The following PCLAF variants were observed in gnomAD, a reference collection of about 807,000 sequenced individuals.
PCLAF encodes the protein PCNA clamp associated factor, also known as PCNA-associated factor.
In PCLAF, 12 loss-of-function variants were observed where a neutral mutation model predicts 15.1. The ratio of observed to expected loss-of-function variants is 0.79; its 90% CI spans 0.51 to 1.29. PCLAF has a LOEUF of 1.29. Ranked by LOEUF, PCLAF falls within the 50% of genes most tolerant of loss-of-function variation. The pLI is 0.00. For missense variants in PCLAF, 116 were observed against 130.9 expected (o/e 0.89, Z 0.56); for synonymous variants, 33 against 47.1 (o/e 0.70, Z 1.22).
rs554713208 is a variant in PCLAF at position 64,371,882 on chromosome 15, C to T, written c.290+4861G>A. Among the ~76,000 whole-genome samples the T allele has an allele frequency of 2.0e-5, 3 of 151,926 alleles. No individual in the cohort carries two copies. The South Asian group carries it at 6.2e-4, about 32-fold the overall frequency. ...AAAGTGCTGGGATTACAGGCATTAGCCACCGCACCTGGCCCAGATCAACTT... is the reference window on the plus strand; with the variant it reads ...AAAGTGCTGGGATTACAGGCATTAGTCACCGCACCTGGCCCAGATCAACTT... On this transcript the variant is annotated intron_variant, in intron 3 of 3. Transcript: ENST00000300035.
chr15:64,373,450 G>T, intron 3 of PCLAF: 1 of 481,690 alleles, frequency 2.1e-6, no homozygotes, highest in Non-Finnish European at 3.3e-6. Context: ...TTTGGATTCG[G>T]TTTTAGTGTA....
intron 3 of PCLAF, among the ~76,000 whole-genome samples, chr15:64,371,926 C>T (rs1899333405): frequency 5.8e-5 from 1 of 17,384 alleles, no homozygotes; most frequent in African/African-American, 1.2e-4. Flanking sequence ...CCACCTCCTG[C>T]ACAAAAAATG....
At chr15:64,382,544 T>C (rs1378597506), upstream of PCLAF, 1 of 153,256 alleles carries the variant, frequency 6.5e-6, no homozygotes, top group Non-Finnish European at 1.5e-5. Context: ...CTGCCAAATG[T>C]GGTAAGACCA....
chr15:64,368,159 T>G (rs1899124944), intron 3 of PCLAF, among the ~76,000 whole-genome samples: 1 of 151,824 alleles, frequency 6.6e-6, no homozygotes, highest in East Asian at 1.9e-4. Context: ...CTAGCCAACA[T>G]AATGAAACCC....
rs764067006 is a variant in PCLAF at position 64,381,058 on chromosome 15, AG to A, written c.47-21del. On this transcript the variant is annotated intron_variant, in intron 1 of 3. Transcript: ENST00000300035. ...CCACCACTGTGAAGAGAGGCAAAAAAGGGTGTTCAGAAGGGGCAGGAGGGTT... is the reference window on the plus strand; with the variant it reads ...CCACCACTGTGAAGAGAGGCAAAAAAGGTGTTCAGAAGGGGCAGGAGGGTT... The A allele has an allele frequency of 6.2e-7, 1 of 1,613,070 alleles. No individual in the cohort carries two copies. Among genetic ancestry groups the A allele is most frequent in the South Asian group, 1.1e-5 (1 of 91,052 alleles).
At chr15:64,377,537 A>ATATATT in intron 2 of PCLAF, among the ~76,000 whole-genome samples, 2 of 97,258 alleles carry the variant, frequency 2.1e-5, no homozygotes, top group Non-Finnish European at 4.0e-5. Context: ...ATATATATAT[A>ATATATT]TTCTTGTATG....
rs1898966753 is a variant in PCLAF at position 64,364,840 on chromosome 15, C to G, written c.*1190G>C. 1 of 151,528 alleles carries G rather than the reference C, an allele frequency of 6.6e-6. No individual in the cohort carries two copies. The highest frequency in any genetic ancestry group is 1.5e-5 in the Non-Finnish European group (1 of 67,992). 9.4% of individuals were successfully genotyped at this position (151,528 alleles called of 1,614,324 possible). On this transcript the variant is annotated 3_prime_UTR_variant, in exon 4 of 4. Coordinates refer to ENST00000300035, the MANE Select transcript of PCLAF (RefSeq NM_014736.6). ...TAGCTGGGATTACAGGCATGTGCCA[C>G]CATGCCTGGCTCATTTTTTCATTTT... is the stretch of plus-strand genomic sequence containing the variant.
chr15:64,383,126 TA>T (rs1288647106), upstream of PCLAF: 3 of 152,680 alleles, frequency 2.0e-5, no homozygotes, highest in Non-Finnish European at 4.4e-5. Flanking sequence ...AACTTAGAAT[TA>T]GGCTACTCAG....
upstream of PCLAF, among the ~76,000 whole-genome samples, chr15:64,383,223 T>G (rs56239505): frequency 0.048 from 7,328 of 152,120 alleles, 233 homozygotes; most frequent in South Asian, 0.086. Flanking sequence ...TAATAGAAAA[T>G]GTATTGGCAA....
At chr15:64,376,944 T>C (rs567574073) in intron 2 of PCLAF, 39 bp from the exon 3 acceptor site, 2 of 1,526,048 alleles carry the variant, frequency 1.3e-6, no homozygotes, top group South Asian at 1.2e-5. Context: ...TAAGTGCTAA[T>C]AATACAATCT....
At chr15:64,383,460 G>A (rs759641661), upstream of PCLAF, among the ~76,000 whole-genome samples, 2 of 151,042 alleles carry the variant, frequency 1.3e-5, no homozygotes, top group African/African-American at 2.4e-5. Context: ...TCCGCCTCCC[G>A]GGTTCAAGCA....
chr15:64,381,445 C>T, upstream of PCLAF: 2 of 1,607,734 alleles, frequency 1.2e-6, no homozygotes, highest in Non-Finnish European at 1.7e-6. Flanking sequence ...GACAAGGACC[C>T]GAAAACTATC....
intron 3 of PCLAF, among the ~76,000 whole-genome samples, chr15:64,371,434 AT>A (rs1167146001): frequency 6.6e-6 from 1 of 150,616 alleles, no homozygotes; most frequent in Non-Finnish European, 1.5e-5. Flanking sequence ...CCCAGTTAAT[AT>A]TTGTATTTTT....
rs931673531 is a variant in PCLAF, at chr15:64,369,951, C to T, written c.291-3876G>A. 2.8e-4 allele frequency among the ~76,000 whole-genome samples: 42 copies of T among 152,218 alleles called. 1 individual carries two copies. The highest frequency in any genetic ancestry group is 1.0e-3 in the African/African-American group (42 of 41,546). On this transcript the variant is annotated intron_variant, in intron 3 of 3. Transcript: ENST00000300035. ...CAAGATCTGTTGGATCTGCTTGTTC[C>T]CATGCAGGTTTCTAAAGATGGCAAA...
intron 3 of PCLAF, among the ~76,000 whole-genome samples, chr15:64,374,845 TCA>T (rs1899536952): frequency 4.0e-5 from 2 of 49,510 alleles, no homozygotes; most frequent in South Asian, 9.6e-4. Flanking sequence ...GACCCCCATA[TCA>T]AAAAAAAAAA....
At chr15:64,382,643 C>T (rs944263989), upstream of PCLAF, 1 of 155,666 alleles carries the variant, frequency 6.4e-6, no homozygotes, top group African/African-American at 2.4e-5. Flanking sequence ...ACTCACAACA[C>T]CCCTGGGGAG....
chr15:64,370,244 T>A (rs75171332), intron 3 of PCLAF, among the ~76,000 whole-genome samples: 3 of 139,204 alleles, frequency 2.2e-5, no homozygotes, highest in South Asian at 2.3e-4. Context: ...GCCCACCTAA[T>A]TTTTTTTTTT....
At chr15:64,377,808 G>A (rs1337239292) in intron 2 of PCLAF, among the ~76,000 whole-genome samples, 1 of 121,376 alleles carries the variant, frequency 8.2e-6, no homozygotes, top group Non-Finnish European at 1.6e-5. Flanking sequence ...CTGGAGTGCA[G>A]TGGCGCAATC....
intron 3 of PCLAF, among the ~76,000 whole-genome samples, chr15:64,370,495 G>A (rs532410400): frequency 1.3e-5 from 2 of 151,746 alleles, no homozygotes; most frequent in African/African-American, 4.8e-5. Context: ...AGCCTCTGGA[G>A]TAGCAGGGAT....
Sources: gnomAD v4.1 joint callset for allele counts (sites outside exome capture counted in the v4.1 genomes callset) on GRCh38, gnomAD v4.1.1 for gene constraint, MANE v1.5 for transcripts, NCBI Gene and HGNC (gene_info 2026-07-23, HGNC 2026-07-21) for gene names.